Variants in PTPRT observed in about 807,000 individuals in gnomAD.
The protein encoded by PTPRT is receptor-type tyrosine-protein phosphatase T.
In PTPRT, 56 loss-of-function variants were observed where a neutral mutation model predicts 176.8. The ratio of observed to expected loss-of-function variants is 0.32; its 90% CI spans 0.26 to 0.40. The LOEUF (loss-of-function observed/expected upper bound fraction) is 0.40. Ranked by LOEUF, PTPRT falls within the 10% of genes least tolerant of loss-of-function variation. The probability of loss-of-function intolerance (pLI) is 1.00; values close to 1 mark genes in which losing one functional copy is unlikely to be tolerated. For missense variants in PTPRT, 1,540 were observed against 1,908.2 expected, an observed-to-expected ratio of 0.81 and a Z score of 3.60; for synonymous variants, 783 against 739.0, an observed-to-expected ratio of 1.06 and a Z score of -0.96.
intron 7 of PTPRT, among the ~76,000 whole-genome samples, chr20:42,490,174 C>T (rs550674561): frequency 1.3e-5 from 2 of 152,244 alleles, no homozygotes; most frequent in South Asian, 2.1e-4. Context: ...TGGAAGGGTA[C>T]ATCTTCTGTG....
chr20:43,077,696 A>G (rs540735001), intron 1 of PTPRT, among the ~76,000 whole-genome samples: 1 of 152,274 alleles, frequency 6.6e-6, no homozygotes, highest in Non-Finnish European at 1.5e-5. Flanking sequence ...ATCCCTGGGT[A>G]TATGCAGAGG....
intron 1 of PTPRT, among the ~76,000 whole-genome samples, chr20:43,163,424 G>A (rs2014758107): frequency 6.6e-6 from 1 of 152,092 alleles, no homozygotes; most frequent in Non-Finnish European, 1.5e-5. Flanking sequence ...AAATCACGAG[G>A]TCACGAGATC....
At chr20:42,693,103 C>A (rs2146126383) in intron 6 of PTPRT, among the ~76,000 whole-genome samples, 1 of 152,224 alleles carries the variant, frequency 6.6e-6, no homozygotes, top group African/African-American at 2.4e-5. Context: ...ACAAAAGCAC[C>A]AGCAAAGTAT....
At chr20:42,768,128 A>C (rs920628254) in intron 5 of PTPRT, among the ~76,000 whole-genome samples, 2 of 152,012 alleles carry the variant, frequency 1.3e-5, no homozygotes, top group African/African-American at 4.8e-5. Flanking sequence ...AGATGGCACG[A>C]TATAAACTGT....
At chr20:42,837,058 G>T (rs1466902591) in intron 2 of PTPRT, among the ~76,000 whole-genome samples, 2 of 152,164 alleles carry the variant, frequency 1.3e-5, no homozygotes, top group Non-Finnish European at 2.9e-5. Context: ...CTTGAGGGTG[G>T]ACAGTAACCA....
intron 15 of PTPRT, among the ~76,000 whole-genome samples, chr20:42,200,303 G>T (rs1991397644): frequency 6.6e-6 from 1 of 152,226 alleles, no homozygotes; most frequent in Non-Finnish European, 1.5e-5. Flanking sequence ...TACTGTGGCA[G>T]ATGACAGGAC....
intron 7 of PTPRT, among the ~76,000 whole-genome samples, chr20:42,490,328 T>C (rs2071540060): frequency 6.6e-6 from 1 of 152,152 alleles, no homozygotes; most frequent in Admixed American, 6.5e-5. Flanking sequence ...CAGGGGGGAT[T>C]TTCACTTGTG....
Position 42,734,809 on chromosome 20 carries a change from C to T in PTPRT, c.859+21653G>A, listed in dbSNP as rs553266341. Among the ~76,000 whole-genome samples the T allele has an allele frequency of 5.3e-5, 8 of 152,262 alleles. No individual in the cohort carries two copies. The East Asian group carries it at 9.7e-4, about 18-fold the overall frequency. On this transcript the variant is annotated intron_variant, in intron 6 of 30. Transcript: ENST00000373187. ...TGCCAGGGGCAGGTTCTTCCAGTGA[C>T]GGATGGCAGCAGGCAACAGAGCAAG...
intron 13 of PTPRT, among the ~76,000 whole-genome samples, chr20:42,264,877 C>G (rs1171164885): frequency 6.6e-6 from 1 of 152,226 alleles, no homozygotes; most frequent in Non-Finnish European, 1.5e-5. Flanking sequence ...TCCTCCACCA[C>G]TCACGTTTCT....
rs1016264179 is a variant in PTPRT at position 42,949,853 on chromosome 20, T to C, written c.89-63921A>G. Among the ~76,000 whole-genome samples the C allele has an allele frequency of 5.9e-5, 9 of 152,216 alleles. No homozygotes were observed. In the South Asian group the frequency reaches 1.7e-3, roughly 28 times the overall value. ...CCAGAAAAAATCTCTATTGTAGAAC[T>C]GAGACAAAGTTATTGATTTGCCTGT... On this transcript the variant is annotated intron_variant, in intron 1 of 30. Transcript: ENST00000373187.
intron 7 of PTPRT, among the ~76,000 whole-genome samples, chr20:42,642,943 A>C (rs2074795402): frequency 6.6e-6 from 1 of 152,100 alleles, no homozygotes; most frequent in African/African-American, 2.4e-5. Flanking sequence ...GGATGCTTGA[A>C]AAAGTGCTTG....
At chr20:42,116,837 C>T (rs1987308006) in intron 21 of PTPRT, among the ~76,000 whole-genome samples, 1 of 152,168 alleles carries the variant, frequency 6.6e-6, no homozygotes, top group South Asian at 2.1e-4. Context: ...TGCTTTCCTC[C>T]CCAAATCCAA....
intron 27 of PTPRT, among the ~76,000 whole-genome samples, chr20:42,092,522 C>G (rs1984726928): frequency 6.6e-6 from 1 of 152,176 alleles, no homozygotes; most frequent in Admixed American, 6.5e-5. Flanking sequence ...TGAGTAAGTA[C>G]CAAGGCTACA....
intron 16 of PTPRT, among the ~76,000 whole-genome samples, chr20:42,196,590 G>A (rs998888564): frequency 1.3e-5 from 2 of 152,196 alleles, no homozygotes; most frequent in East Asian, 3.9e-4. Context: ...CTGTAATTTT[G>A]CAACAGAGGT....
chr20:42,379,444 A>G (rs2058679611), intron 9 of PTPRT, among the ~76,000 whole-genome samples: 1 of 152,240 alleles, frequency 6.6e-6, no homozygotes, highest in Admixed American at 6.5e-5. Flanking sequence ...CACCCTAATC[A>G]TCATCTCATG....
chr20:42,308,541 C>G (rs1352576292), intron 12 of PTPRT, among the ~76,000 whole-genome samples: 2 of 152,124 alleles, frequency 1.3e-5, no homozygotes, highest in African/African-American at 4.8e-5. Flanking sequence ...AGAGGAGCCT[C>G]TGGAAAGCAG....
At chr20:43,106,152 G>A (rs960561407) in intron 1 of PTPRT, among the ~76,000 whole-genome samples, 1 of 152,058 alleles carries the variant, frequency 6.6e-6, no homozygotes, top group South Asian at 2.1e-4. Context: ...AGGTCAAAGG[G>A]TCTCTCCTCT....
chr20:43,002,227 G>C (rs1001229137), intron 1 of PTPRT, among the ~76,000 whole-genome samples: 10 of 152,218 alleles, frequency 6.6e-5, no homozygotes, highest in African/African-American at 2.2e-4. Context: ...CTGTGGAACA[G>C]TGAAGTCAAT....
chr20:42,418,700 C>T (rs113513803), intron 9 of PTPRT, among the ~76,000 whole-genome samples: 66 of 152,186 alleles, frequency 4.3e-4, no homozygotes, highest in African/African-American at 1.4e-3. Flanking sequence ...TATGTACTGC[C>T]GCTCAGATCT....
Sources: allele counts gnomAD v4.1 joint callset (sites outside exome capture counted in the v4.1 genomes callset), GRCh38; gene constraint gnomAD v4.1.1; transcripts MANE v1.5; gene names NCBI Gene and HGNC (gene_info 2026-07-23, HGNC 2026-07-21).